The following AP1S1 variants were observed in gnomAD, a reference collection of about 807,000 sequenced individuals.
AP1S1 encodes the protein AP-1 complex subunit sigma-1A.
In AP1S1, 13 loss-of-function variants were observed where a neutral mutation model predicts 23.9. The ratio of observed to expected loss-of-function variants is 0.54; its 90% CI spans 0.35 to 0.86. AP1S1 has a LOEUF of 0.86. Among genes scored for constraint, AP1S1 ranks in the 40% least tolerant of loss-of-function variants. The pLI is 0.01. For missense variants in AP1S1, 119 were observed against 197.6 expected (o/e 0.60, Z 2.38); for synonymous variants, 84 against 77.7 (o/e 1.08, Z -0.43).
At chr7:101,157,001 G>A (rs896306043) in intron 2 of AP1S1, among the ~76,000 whole-genome samples, 5 of 147,308 alleles carry the variant, frequency 3.4e-5, no homozygotes, top group Non-Finnish European at 7.4e-5. Flanking sequence ...CCTCACTCAC[G>A]TGTCCCTTTG....
intron 4 of AP1S1, among the ~76,000 whole-genome samples, chr7:101,160,157 C>T (rs1365393169): frequency 6.6e-6 from 1 of 152,094 alleles, no homozygotes; most frequent in East Asian, 1.9e-4. Flanking sequence ...ACCCAGTCAG[C>T]TGTACCCCCC....
At chr7:101,158,108 C>A (rs1797023302) in intron 3 of AP1S1, among the ~76,000 whole-genome samples, 1 of 152,170 alleles carries the variant, frequency 6.6e-6, no homozygotes, top group Non-Finnish European at 1.5e-5. Context: ...AGATTTTTAT[C>A]ACTGGTTGCT....
intron 4 of AP1S1, among the ~76,000 whole-genome samples, chr7:101,160,008 A>ACACG (rs1797068424): frequency 6.6e-6 from 1 of 150,982 alleles, no homozygotes; most frequent in African/African-American, 2.4e-5. Flanking sequence ...ACACACACAC[A>ACACG]TGCCCTGGCA....
intron 1 of AP1S1, among the ~76,000 whole-genome samples, chr7:101,155,707 A>G (rs1178001406): frequency 6.6e-6 from 1 of 152,158 alleles, no homozygotes; most frequent in African/African-American, 2.4e-5. Flanking sequence ...GGAGGATGAT[A>G]TGTTTGGGAG....
Position 101,157,503 on chromosome 7 carries a change from A to G in AP1S1, c.291+18A>G, listed in dbSNP as rs1280858932. On this transcript the variant is annotated intron_variant, in intron 3 of 4. Coordinates refer to ENST00000337619, the MANE Select transcript of AP1S1 (RefSeq NM_001283.5). The stretch of plus-strand genomic sequence containing the variant: ...TTGGCAGTGTAAGTCTCCTCTGCCC[A>G]CCAGTTTCCATTCCCAGCAATCCCC... 9 of 1,528,728 alleles carry G rather than the reference A, an allele frequency of 5.9e-6. No homozygotes were observed. The highest frequency in any genetic ancestry group is 8.0e-6 in the Non-Finnish European group (9 of 1,126,014). 94.7% of individuals were successfully genotyped at this position (1,528,728 alleles called of 1,614,324 possible). A position where few individuals can be genotyped will look rare whatever the true frequency, so the allele number is the denominator to read the frequency against.
Position 101,160,818 on chromosome 7 carries a change from A to G in AP1S1, c.*252A>G. The G allele has an allele frequency of 2.9e-6, 2 of 680,492 alleles. No individual in the cohort carries two copies. The highest frequency in any genetic ancestry group is 1.5e-5 in the South Asian group (1 of 66,556). The allele number at this position is 680,492 out of a possible 1,614,324, so 42.2% of individuals were successfully genotyped here. On this transcript the variant is annotated 3_prime_UTR_variant, in exon 5 of 5. Coordinates refer to ENST00000337619, the MANE Select transcript of AP1S1 (RefSeq NM_001283.5). The stretch of plus-strand genomic sequence containing the variant: ...AAAATGTGACCCAGATGGGGGTGCT[A>G]TTTGGCTTTTATTCCCTGCCTTTGC...
rs1797101952 is a variant in AP1S1, at chr7:101,161,226, T to C, written c.*660T>C. On this transcript the variant is annotated 3_prime_UTR_variant, in exon 5 of 5. Coordinates refer to ENST00000337619, the MANE Select transcript of AP1S1 (RefSeq NM_001283.5). ...AGGGGTGGGGAGGGGGAGGGGGAAG[T>C]GTCTGCCTTTATGTCCTTTCTTCTG... is the stretch of plus-strand genomic sequence containing the variant. 5.4e-6 allele frequency: 1 copy of C among 184,280 alleles called. No individual in the cohort carries two copies. The highest frequency in any genetic ancestry group is 1.0e-4 in the South Asian group (1 of 9,650). 11.4% of individuals were successfully genotyped at this position (184,280 alleles called of 1,614,324 possible).
Position 101,159,041 on chromosome 7 carries a change from C to T in AP1S1, c.292-18C>T, listed in dbSNP as rs1304035007. On this transcript the variant is annotated intron_variant, in intron 3 of 4. Transcript: ENST00000337619. ...GTTGCCCCTCCATGCTCAACTTAGC[C>T]TCTCCCCGCCCTCCCAGGTGTGCGA... 1 of 1,611,442 alleles carries T rather than the reference C, an allele frequency of 6.2e-7. No individual in the cohort carries two copies.
chr7:101,154,667 C>T (rs929675973), intron 1 of AP1S1, 150 bp downstream of exon 1: 3 of 825,800 alleles, frequency 3.6e-6, no homozygotes, highest in Non-Finnish European at 4.7e-6. Context: ...GCGAGCCGGG[C>T]TCGGGAGGAA....
chr7:101,160,006 A>ACAGGCCCTGGCACACACACC (rs147914700), intron 4 of AP1S1, among the ~76,000 whole-genome samples: 1 of 147,426 alleles, frequency 6.8e-6, no homozygotes, highest in South Asian at 2.2e-4. Flanking sequence ...ACACACACAC[A>ACAGGCCCTGGCACACACACC]CATGCCCTGG....
intron 1 of AP1S1, chr7:101,154,906 C>T (rs1467966603): frequency 4.8e-6 from 5 of 1,033,676 alleles, no homozygotes; most frequent in Non-Finnish European, 5.9e-6. Flanking sequence ...ACCCCCTTCC[C>T]GGGCTGCACA....
At position 101,154,510 on chromosome 7, in the gene AP1S1, G is replaced by T; in HGVS notation, c.-5G>T. ...AGTGGGACGCGCCGAGCCGGAGGCT[G>T]CAGGATGGTAGGCTGTGCGAAGAGG... On this transcript the variant is annotated 5_prime_UTR_variant, in exon 1 of 5. Coordinates refer to ENST00000337619, the MANE Select transcript of AP1S1 (RefSeq NM_001283.5). The T allele has an allele frequency of 1.3e-6, 2 of 1,573,790 alleles. No individual in the cohort carries two copies. The highest frequency in any genetic ancestry group is 1.7e-6 in the Non-Finnish European group (2 of 1,160,240).
chr7:101,156,797 C>T, intron 2 of AP1S1, 25 bp downstream of exon 2: 1 of 1,497,650 alleles, frequency 6.7e-7, no homozygotes, highest in Non-Finnish European at 9.0e-7. Flanking sequence ...ACTTTCAGAC[C>T]TGCCTAGATT....
intron 4 of AP1S1, 63 bp downstream of exon 4, chr7:101,159,259 C>T (rs1408583202): frequency 3.2e-6 from 5 of 1,547,884 alleles, no homozygotes; most frequent in Admixed American, 4.0e-5. Flanking sequence ...GTCCTCCCTC[C>T]CCTGGACACC....
intron 4 of AP1S1, among the ~76,000 whole-genome samples, chr7:101,160,200 C>G (rs773318760): frequency 6.6e-6 from 1 of 152,006 alleles, no homozygotes; most frequent in African/African-American, 2.4e-5. Context: ...CCTCCTTGTC[C>G]CGGCTTCACT....
At chr7:101,158,532 G>A (rs1797030659) in intron 3 of AP1S1, among the ~76,000 whole-genome samples, 1 of 152,142 alleles carries the variant, frequency 6.6e-6, no homozygotes, top group Non-Finnish European at 1.5e-5. Flanking sequence ...GAAGGCAAGG[G>A]GAACCATAGA....
intron 4 of AP1S1, 129 bp downstream of exon 4, chr7:101,159,325 C>T: frequency 1.5e-6 from 2 of 1,329,214 alleles, no homozygotes; most frequent in Admixed American, 2.5e-5. Flanking sequence ...GTATCTGACC[C>T]CCACCACGCC....
At chr7:101,158,520 G>C (rs1391331945) in intron 3 of AP1S1, among the ~76,000 whole-genome samples, 1 of 152,144 alleles carries the variant, frequency 6.6e-6, no homozygotes, top group Non-Finnish European at 1.5e-5. Context: ...AGATTTTGGG[G>C]GGAAGGCAAG....
chr7:101,156,578 C>G lies in AP1S1; in HGVS notation c.4-16C>G. 1 of 1,606,186 alleles carries G rather than the reference C, an allele frequency of 6.2e-7. No homozygotes were observed. The highest frequency in any genetic ancestry group is 1.3e-5 in the African/African-American group (1 of 74,876). On this transcript the variant is annotated splice_polypyrimidine_tract_variant and intron_variant, in intron 1 of 4. Coordinates refer to ENST00000337619, the MANE Select transcript of AP1S1 (RefSeq NM_001283.5). Reference sequence around the variant, plus strand: ...ATGTGTGGTTACCCTCGGTTCTGCCCTCCCATCCCCCACAGATGCGGTTCA... The same window carrying G: ...ATGTGTGGTTACCCTCGGTTCTGCCGTCCCATCCCCCACAGATGCGGTTCA...
Sources: allele counts gnomAD v4.1 joint callset (sites outside exome capture counted in the v4.1 genomes callset), GRCh38; gene constraint gnomAD v4.1.1; transcripts MANE v1.5; gene names NCBI Gene and HGNC (gene_info 2026-07-23, HGNC 2026-07-21).